GAB4: variants seen among roughly 807,000 people sequenced by gnomAD.
GAB4 encodes GRB2-associated-binding protein 4.
GAB4 carries 26 observed loss-of-function variants against 51.3 expected under a neutral mutation model. That is an observed-to-expected ratio of 0.51 (90% CI 0.37 to 0.70). The LOEUF (loss-of-function observed/expected upper bound fraction) is 0.70, where lower values mean the gene tolerates loss of function less well. GAB4 is among the 30% of genes least tolerant of loss of function. The pLI, the probability that GAB4 is intolerant of heterozygous loss-of-function variation, is 0.00. For synonymous variants in GAB4, 329 were observed against 291.2 expected (o/e 1.13, Z -1.32); for missense variants, 759 against 734.6 (o/e 1.03, Z -0.38).
intron 1 of GAB4, among the ~76,000 whole-genome samples, chr22:17,001,965 G>A (rs1034334720): frequency 1.3e-5 from 2 of 152,218 alleles, no homozygotes; most frequent in African/African-American, 4.8e-5. Flanking sequence ...CCCGAGCCAG[G>A]TGTGGGATAT....
chr22:17,008,064 C>G lies in GAB4; in HGVS notation c.51G>C (p.Pro17=), dbSNP rs748645912. Residue 17 remains proline, a synonymous_variant, in exon 1 of 10, where the codon CCG becomes CCC. Transcript: ENST00000400588. ...GCCACGAAGACAAAGGCGCAAATGC[C>G]GGGTCAGGTGGGCACAGCTCCCGGG... ...SPSRELCPPD[P]AFAPLSSWPG... 9 of 1,607,952 alleles carry G rather than the reference C, an allele frequency of 5.6e-6. No homozygotes were observed. The highest frequency in any genetic ancestry group is 5.6e-5 in the South Asian group (5 of 89,792).
At chr22:16,965,071 C>A in intron 7 of GAB4, 107 bp downstream of exon 7, 1 of 848,800 alleles carries the variant, frequency 1.2e-6, no homozygotes, top group Non-Finnish European at 1.9e-6. Flanking sequence ...CAGCCATGTC[C>A]ACATCGACAT....
chr22:16,998,490 G>A (rs949495474), intron 1 of GAB4, among the ~76,000 whole-genome samples: 1 of 152,200 alleles, frequency 6.6e-6, no homozygotes. Context: ...TTTGCACATT[G>A]ATTTTGTATC....
At chr22:17,000,670 A>C (rs1254703851) in intron 1 of GAB4, among the ~76,000 whole-genome samples, 1 of 152,060 alleles carries the variant, frequency 6.6e-6, no homozygotes, top group Admixed American at 6.6e-5. Context: ...TGTGAATTTG[A>C]TCCTGTCATT....
chr22:17,007,823 G>T, intron 1 of GAB4, 118 bp downstream of exon 1: 2 of 926,308 alleles, frequency 2.2e-6, no homozygotes, highest in East Asian at 2.7e-5. Flanking sequence ...TGCAGACGTG[G>T]AGAAGTCGCC....
chr22:16,968,958 G>T (rs2060706168), intron 4 of GAB4, among the ~76,000 whole-genome samples: 1 of 152,172 alleles, frequency 6.6e-6, no homozygotes, highest in Non-Finnish European at 1.5e-5. Flanking sequence ...ATATAAAATG[G>T]AGAAAACAAG....
rs778942813 is a variant in GAB4 at position 16,966,337 on chromosome 22, C to G, written c.1051G>C (p.Asp351His). The change falls in exon 6 of 10, where the codon GAC becomes CAC. Residue 351 changes from aspartate to histidine, a missense_variant. Asp to His is a moderately conservative substitution (Grantham distance 81). Transcript: ENST00000400588. The stretch of plus-strand genomic sequence containing the variant: ...CAGCTGCCCTCAGAAGCAATGCTGT[C>G]TGACAGGCCCACAAGCGTTCTTCCT... ...LPGRTLVGLS[D>H]SIASEGSCVP... 2 of 1,613,278 alleles carry G rather than the reference C, an allele frequency of 1.2e-6. No homozygotes were observed. Among genetic ancestry groups the G allele is most frequent in the Non-Finnish European group, 1.7e-6 (2 of 1,179,746 alleles).
intron 1 of GAB4, among the ~76,000 whole-genome samples, chr22:17,005,991 C>G (rs1040526096): frequency 1.3e-5 from 2 of 152,162 alleles, no homozygotes; most frequent in African/African-American, 4.8e-5. Flanking sequence ...ACATGAAAAG[C>G]AATGGTAACA....
In GAB4 at chr22:16,962,882, G is replaced by T. The variant is rs766517716; in HGVS notation, c.1582-6C>A. 49 of 1,610,382 alleles carry T rather than the reference G, an allele frequency of 3.0e-5. No individual in the cohort carries two copies. Among genetic ancestry groups the T allele is most frequent in the Non-Finnish European group, 4.0e-5 (47 of 1,177,762 alleles). ...GTGACAGAGCCTATGGATGGCTGAG[G>T]GACAGAGGGTGGAAGTGGGAGTGGC... On this transcript the variant is annotated splice_region_variant and splice_polypyrimidine_tract_variant and intron_variant, in intron 9 of 9. Coordinates refer to ENST00000400588, the MANE Select transcript of GAB4 (RefSeq NM_001037814.1).
intron 8 of GAB4, among the ~76,000 whole-genome samples, chr22:16,964,448 T>G (rs2060654242): frequency 6.6e-6 from 1 of 152,214 alleles, no homozygotes; most frequent in African/African-American, 2.4e-5. Flanking sequence ...TGTACATGTG[T>G]GTCTCCCCAT....
chr22:16,996,439 A>T (rs1324484659), intron 1 of GAB4, among the ~76,000 whole-genome samples: 1 of 152,174 alleles, frequency 6.6e-6, no homozygotes, highest in Non-Finnish European at 1.5e-5. Context: ...CAACATTCAA[A>T]TTCAAGAAAT....
At chr22:16,971,394 A>G (rs2060730613) in intron 3 of GAB4, among the ~76,000 whole-genome samples, 1 of 152,118 alleles carries the variant, frequency 6.6e-6, no homozygotes, top group African/African-American at 2.4e-5. Flanking sequence ...CTGCAACTCT[A>G]CAGCCTTCGG....
At chr22:16,971,103 A>G (rs138519158) in intron 3 of GAB4, among the ~76,000 whole-genome samples, 2 of 151,980 alleles carry the variant, frequency 1.3e-5, no homozygotes, top group Admixed American at 6.5e-5. Flanking sequence ...CTGAGGTGGG[A>G]GTATGGCTTG....
chr22:16,975,833 G>A (rs2060772955), intron 3 of GAB4, among the ~76,000 whole-genome samples: 1 of 152,204 alleles, frequency 6.6e-6, no homozygotes, highest in African/African-American at 2.4e-5. Flanking sequence ...CATCTTTGCT[G>A]TTCTGTAGTC....
intron 3 of GAB4, among the ~76,000 whole-genome samples, chr22:16,976,201 C>A (rs1003204547): frequency 6.6e-6 from 1 of 152,158 alleles, no homozygotes; most frequent in Non-Finnish European, 1.5e-5. Flanking sequence ...TAGGCTTCAG[C>A]AGATGGGTAA....
chr22:16,998,456 T>C (rs1355110472), intron 1 of GAB4, among the ~76,000 whole-genome samples: 3 of 152,232 alleles, frequency 2.0e-5, no homozygotes, highest in Non-Finnish European at 4.4e-5. Flanking sequence ...TGTCTGTTAT[T>C]GGTGTAGAGG....
chr22:16,972,793 T>TCC, intron 3 of GAB4, among the ~76,000 whole-genome samples: 1 of 152,090 alleles, frequency 6.6e-6, no homozygotes, highest in East Asian at 1.9e-4. Context: ...CCTCACATCT[T>TCC]CCCAGGGCCT....
chr22:16,994,981 T>C (rs189152169), intron 1 of GAB4, among the ~76,000 whole-genome samples: 137 of 152,366 alleles, frequency 9.0e-4, no homozygotes, highest in South Asian at 1.7e-3. Context: ...TTTTTGCATC[T>C]ATTCAGATGA....
chr22:16,965,387 G>C (rs2060664449), intron 6 of GAB4, 119 bp from the exon 7 acceptor site: 1 of 734,002 alleles, frequency 1.4e-6, no homozygotes, highest in Non-Finnish European at 2.4e-6. Flanking sequence ...CCACCCAGCT[G>C]TGTGCGGGGG....
Sources: allele counts gnomAD v4.1 joint callset (sites outside exome capture counted in the v4.1 genomes callset), GRCh38; gene constraint gnomAD v4.1.1; transcripts MANE v1.5; gene names NCBI Gene and HGNC (gene_info 2026-07-23, HGNC 2026-07-21).